The following IGSF11 variants were observed in gnomAD, a reference collection of about 807,000 sequenced individuals.
IGSF11 encodes CXADR like 1.
A neutral mutation model predicts 41.0 loss-of-function variants in IGSF11; 22 were observed. The ratio of observed to expected loss-of-function variants is 0.54; its 90% confidence interval spans 0.38 to 0.77. The LOEUF is 0.77. IGSF11 is among the 30% of genes least tolerant of loss of function. The pLI is 0.00. For missense variants in IGSF11, 444 were observed against 530.8 expected (o/e 0.84, Z 1.61); for synonymous variants, 219 against 201.3 (o/e 1.09, Z -0.74).
chr3:119,035,361 G>C (rs1940845035), upstream of IGSF11, among the ~76,000 whole-genome samples: 1 of 152,138 alleles, frequency 6.6e-6, no homozygotes, highest in African/African-American at 2.4e-5. Context: ...ACAGTGTTTT[G>C]GTTTTGCGCT....
intron 1 of IGSF11, among the ~76,000 whole-genome samples, chr3:119,086,286 G>C (rs1187566910): frequency 6.6e-6 from 1 of 152,176 alleles, no homozygotes; most frequent in Non-Finnish European, 1.5e-5. Context: ...GAGAGAAGGA[G>C]AGAAAATAAG....
intron 1 of IGSF11, among the ~76,000 whole-genome samples, chr3:119,005,520 T>G (rs1937407981): frequency 6.9e-6 from 1 of 145,636 alleles, no homozygotes; most frequent in Non-Finnish European, 1.5e-5. Flanking sequence ...TGTTAGCTGG[T>G]GATTTTGCTC....
In IGSF11 at chr3:118,902,711, G is replaced by A; in HGVS notation, c.1105C>T (p.His369Tyr). The A allele has an allele frequency of 6.2e-7, 1 of 1,614,128 alleles. No homozygotes were observed. The stretch of plus-strand genomic sequence containing the variant: ...TTGGCTGTCACTACCAGAGTCTTAT[G>A]TTGACCCGGGACCAGATGGGTCCCA... ...ANGTHLVPGQ[H>Y]KTLVVTANRG... is the part of the protein sequence containing the mutation. Residue 369 changes from histidine to tyrosine, a missense_variant, in exon 7 of 7, where the codon CAT becomes TAT. His to Tyr is a moderately conservative substitution (Grantham distance 83). Coordinates refer to ENST00000393775, the MANE Select transcript of IGSF11 (RefSeq NM_001015887.3).
At chr3:119,088,249 A>C (rs1395301841) in intron 1 of IGSF11, among the ~76,000 whole-genome samples, 3 of 150,304 alleles carry the variant, frequency 2.0e-5, no homozygotes, top group Non-Finnish European at 3.0e-5. Context: ...AAAAAAAAAA[A>C]CAGAAATCAA....
At chr3:118,993,885 T>C (rs780594514) in intron 1 of IGSF11, among the ~76,000 whole-genome samples, 1 of 152,176 alleles carries the variant, frequency 6.6e-6, no homozygotes, top group Non-Finnish European at 1.5e-5. Flanking sequence ...TGAATACTAA[T>C]GGGTACAAGT....
chr3:118,930,765 G>A (rs1559916155), intron 1 of IGSF11, among the ~76,000 whole-genome samples: 1 of 152,284 alleles, frequency 6.6e-6, no homozygotes, highest in East Asian at 1.9e-4. Context: ...GATATGTAAC[G>A]TTCATGAACT....
At chr3:119,107,633 T>C (rs2077057932), upstream of IGSF11, among the ~76,000 whole-genome samples, 1 of 152,172 alleles carries the variant, frequency 6.6e-6, no homozygotes, top group African/African-American at 2.4e-5. Flanking sequence ...TGCCATTGCT[T>C]TTGGTGTTTT....
At chr3:119,038,095 G>A (rs1237019790), upstream of IGSF11, among the ~76,000 whole-genome samples, 1 of 152,002 alleles carries the variant, frequency 6.6e-6, no homozygotes, top group East Asian at 1.9e-4. Flanking sequence ...CCTTTTAGAA[G>A]TAAAATTTTA....
chr3:118,981,871 G>C (rs1174374205), intron 1 of IGSF11: 1 of 152,888 alleles, frequency 6.5e-6, no homozygotes, highest in African/African-American at 2.4e-5. Flanking sequence ...CGCCAGTTGA[G>C]AGTACATGTC....
At chr3:119,043,581 T>C (rs1396638997) in intron 1 of IGSF11, among the ~76,000 whole-genome samples, 1 of 152,144 alleles carries the variant, frequency 6.6e-6, no homozygotes, top group Admixed American at 6.6e-5. Context: ...ATTTTACTGC[T>C]AGCATGCTAG....
chr3:118,906,924 T>C (rs1039215819), intron 4 of IGSF11, among the ~76,000 whole-genome samples: 2 of 152,156 alleles, frequency 1.3e-5, no homozygotes, highest in African/African-American at 2.4e-5. Flanking sequence ...CAGCTGGTTG[T>C]TAGGAAATTC....
At chr3:118,998,671 A>C (rs1390408088) in intron 1 of IGSF11, among the ~76,000 whole-genome samples, 1 of 152,092 alleles carries the variant, frequency 6.6e-6, no homozygotes, top group South Asian at 2.1e-4. Flanking sequence ...TTTATAAATA[A>C]GGAGAAAATA....
chr3:119,018,471 T>C (rs989210218), intron 1 of IGSF11, among the ~76,000 whole-genome samples: 3 of 152,188 alleles, frequency 2.0e-5, no homozygotes, highest in South Asian at 2.1e-4. Context: ...TAAGAGAAAA[T>C]GTAATCCACT....
intron 1 of IGSF11, among the ~76,000 whole-genome samples, chr3:119,000,448 A>G (rs1352755963): frequency 6.6e-6 from 1 of 151,444 alleles, no homozygotes; most frequent in East Asian, 1.9e-4. Context: ...ACTTCTGCAA[A>G]GTCTATTCTA....
At chr3:119,007,383 A>T (rs1356274449) in intron 1 of IGSF11, among the ~76,000 whole-genome samples, 6 of 145,946 alleles carry the variant, frequency 4.1e-5, no homozygotes, top group Non-Finnish European at 8.9e-5. Context: ...TAGTGAGATG[A>T]ACCCGGTACC....
At chr3:118,958,355 C>T (rs574257307) in intron 1 of IGSF11, among the ~76,000 whole-genome samples, 29 of 152,268 alleles carry the variant, frequency 1.9e-4, no homozygotes, top group Non-Finnish European at 3.5e-4. Flanking sequence ...TTCTGACCAC[C>T]ATTTATGCTT....
chr3:119,133,104 A>G (rs1270376645), intron 1 of IGSF11, among the ~76,000 whole-genome samples: 1 of 152,204 alleles, frequency 6.6e-6, no homozygotes, highest in Non-Finnish European at 1.5e-5. Flanking sequence ...AATGCCCACA[A>G]CTGAAAGCAG....
chr3:118,910,999 A>G (rs1386378380), intron 4 of IGSF11, among the ~76,000 whole-genome samples: 1 of 152,004 alleles, frequency 6.6e-6, no homozygotes, highest in Admixed American at 6.5e-5. Context: ...TTCTCTTTAT[A>G]TCTGTCTCCT....
intron 1 of IGSF11, among the ~76,000 whole-genome samples, chr3:118,967,273 G>A (rs1402923323): frequency 6.6e-6 from 1 of 151,948 alleles, no homozygotes; most frequent in Non-Finnish European, 1.5e-5. Context: ...GTCATAATTT[G>A]AGTAAAAAAG....
Sources: allele counts gnomAD v4.1 joint callset (sites outside exome capture counted in the v4.1 genomes callset), GRCh38; gene constraint gnomAD v4.1.1; transcripts MANE v1.5; gene names NCBI Gene and HGNC (gene_info 2026-07-23, HGNC 2026-07-21).